LDHC: variants seen among roughly 807,000 people sequenced by gnomAD.
The protein encoded by LDHC is L-lactate dehydrogenase C chain.
LDHC carries 20 observed loss-of-function variants against 30.2 expected under a neutral mutation model. That is an observed-to-expected ratio of 0.66 (90% CI 0.47 to 0.96). The LOEUF (loss-of-function observed/expected upper bound fraction) is 0.96. Among genes scored for constraint, LDHC ranks in the 40% least tolerant of loss-of-function variants. The pLI is 0.00. For synonymous variants in LDHC, 139 were observed against 132.7 expected, an observed-to-expected ratio of 1.05 and a Z score of -0.32; for missense variants, 362 against 394.9, an observed-to-expected ratio of 0.92 and a Z score of 0.71.
At chr11:18,412,886 C>G (rs758454546) in intron 2 of LDHC, 43 bp downstream of exon 2, 2 of 1,592,918 alleles carry the variant, frequency 1.3e-6, no homozygotes, top group African/African-American at 1.3e-5. Context: ...CAAGTGAGCA[C>G]TTCAGAGTGT....
At chr11:18,427,334 G>A (rs889306920) in intron 3 of LDHC, among the ~76,000 whole-genome samples, 1 of 152,114 alleles carries the variant, frequency 6.6e-6, no homozygotes, top group Non-Finnish European at 1.5e-5. Context: ...CAGCTTGGGC[G>A]ACAGAGCAAG....
At chr11:18,415,981 T>C (rs1867014901) in intron 3 of LDHC, among the ~76,000 whole-genome samples, 1 of 152,160 alleles carries the variant, frequency 6.6e-6, no homozygotes, top group Admixed American at 6.6e-5. Flanking sequence ...AGGTGTGAGC[T>C]GCGGTGCCCA....
At chr11:18,436,156 G>C (rs1466506641) in intron 5 of LDHC, among the ~76,000 whole-genome samples, 1 of 152,034 alleles carries the variant, frequency 6.6e-6, no homozygotes, top group Non-Finnish European at 1.5e-5. Flanking sequence ...CTTTGACCCT[G>C]TTGGCTTGTG....
intron 5 of LDHC, among the ~76,000 whole-genome samples, chr11:18,436,285 C>A (rs1565054002): frequency 6.6e-6 from 1 of 151,940 alleles, no homozygotes; most frequent in African/African-American, 2.4e-5. Context: ...TTAATTTGAA[C>A]ATGTTTAGTA....
chr11:18,438,723 T>C (rs1848403607), intron 6 of LDHC, 78 bp downstream of exon 6: 2 of 721,012 alleles, frequency 2.8e-6, no homozygotes, highest in Admixed American at 2.2e-5. Flanking sequence ...AATCAAGTAG[T>C]TGATCCTTGC....
At chr11:18,422,570 C>A (rs141789462) in intron 3 of LDHC, among the ~76,000 whole-genome samples, 21 of 147,268 alleles carry the variant, frequency 1.4e-4, no homozygotes, top group Non-Finnish European at 2.7e-4. Flanking sequence ...AAAAAAAAAT[C>A]CATTGTATTT....
At chr11:18,429,666 A>G in intron 3 of LDHC, 71 bp from the exon 4 acceptor site, 1 of 794,262 alleles carries the variant, frequency 1.3e-6, no homozygotes, top group East Asian at 2.5e-5. Flanking sequence ...CATACAATAG[A>G]GTTTTAAGGA....
chr11:18,447,449 T>C (rs1848048), intron 7 of LDHC, among the ~76,000 whole-genome samples: 20,666 of 152,030 alleles, frequency 0.14, 1,501 homozygotes, highest in Middle Eastern at 0.2. Context: ...TCTCTATTTT[T>C]AGTGAAAGGA....
intron 2 of LDHC, among the ~76,000 whole-genome samples, chr11:18,413,059 C>G (rs1401531031): frequency 7.8e-6 from 1 of 127,730 alleles, no homozygotes; most frequent in Non-Finnish European, 1.6e-5. Flanking sequence ...TCTTTCTTTT[C>G]CTTTCTTTTT....
chr11:18,428,166 C>CTTTTTTTTTTTTT (rs35861956), intron 3 of LDHC, among the ~76,000 whole-genome samples: 4 of 94,830 alleles, frequency 4.2e-5, no homozygotes, highest in Non-Finnish European at 5.9e-5. Context: ...CTTTCTCTCT[C>CTTTTTTTTTTTTT]TTTTTTTTTT....
At chr11:18,424,381 C>CA (rs111947706) in intron 3 of LDHC, among the ~76,000 whole-genome samples, 22,962 of 148,478 alleles carry the variant, frequency 0.15, 1,937 homozygotes, top group African/African-American at 0.23. Flanking sequence ...AACTCTGTCT[C>CA]AAAAAAAAAC....
In LDHC at chr11:18,413,006, C is replaced by A. The variant is rs1490558566; in HGVS notation, c.126+163C>A. Among the ~76,000 whole-genome samples, 7 of 129,130 alleles carry A rather than the reference C, an allele frequency of 5.4e-5. No individual in the cohort carries two copies. In the East Asian group the frequency reaches 1.6e-3, roughly 30 times the overall value. 84.7% of individuals were successfully genotyped at this position (129,130 alleles called of 152,430 possible). ...CCCTCCCTTCCTTCCTTCCTTCCTT[C>A]CTTTTTCTTTCTCTCTTTCTTTTCC... On this transcript the variant is annotated intron_variant, in intron 2 of 7. Coordinates refer to ENST00000541669, the MANE Select transcript of LDHC (RefSeq NM_017448.5).
At chr11:18,429,116 C>CTTTTTTTTTTTTTTTTTTTTT (rs36038254) in intron 3 of LDHC, among the ~76,000 whole-genome samples, 1 of 93,924 alleles carries the variant, frequency 1.1e-5, no homozygotes, top group Non-Finnish European at 1.9e-5. Context: ...TCATTTTGGT[C>CTTTTTTTTTTTTTTTTTTTTT]TTTTTTTTTT....
At chr11:18,412,442 A>G (rs1866908162) in intron 1 of LDHC, 34 bp downstream of exon 1, 1 of 362,150 alleles carries the variant, frequency 2.8e-6, no homozygotes, top group African/African-American at 2.1e-5. Flanking sequence ...ATCTGTACTG[A>G]TTGCGCCAAG....
chr11:18,426,526 CAAAAAAAAA>C (rs33993685), intron 3 of LDHC, among the ~76,000 whole-genome samples: 6 of 111,560 alleles, frequency 5.4e-5, no homozygotes, highest in African/African-American at 2.1e-4. Context: ...GACTCCGTCT[CAAAAAAAAA>C]AAAAAAAAAG....
chr11:18,447,462 T>C (rs1006327293), intron 7 of LDHC, among the ~76,000 whole-genome samples: 4 of 151,950 alleles, frequency 2.6e-5, no homozygotes, highest in African/African-American at 7.3e-5. Flanking sequence ...TGAAAGGAGA[T>C]AGTGAAAGGA....
chr11:18,413,040 T>TA (rs199969206), intron 2 of LDHC, among the ~76,000 whole-genome samples, 197 bp downstream of exon 2: 6 of 151,156 alleles, frequency 4.0e-5, no homozygotes, highest in Admixed American at 6.6e-5. Flanking sequence ...CCTTTTTTTT[T>TA]AAACTTCTTC....
intron 5 of LDHC, 75 bp downstream of exon 5, chr11:18,434,988 TC>T (rs1188263959): frequency 6.8e-6 from 7 of 1,022,570 alleles, no homozygotes; most frequent in Non-Finnish European, 9.9e-6. Context: ...TAAAGTTTTT[TC>T]CCTGATATTA....
chr11:18,417,602 G>A (rs113188208), intron 3 of LDHC, among the ~76,000 whole-genome samples: 1,810 of 152,210 alleles, frequency 0.012, 43 homozygotes, highest in African/African-American at 0.041. Context: ...GTGTCACTCT[G>A]TTGCTCAGGC....
Sources: gnomAD v4.1 joint callset for allele counts (sites outside exome capture counted in the v4.1 genomes callset) on GRCh38, gnomAD v4.1.1 for gene constraint, MANE v1.5 for transcripts, NCBI Gene and HGNC (gene_info 2026-07-23, HGNC 2026-07-21) for gene names.